Variants in GRB10 observed in about 807,000 individuals in gnomAD.
GRB10 encodes growth factor receptor-bound protein 10.
A neutral mutation model predicts 80.9 loss-of-function variants in GRB10; 20 were observed. That is an observed-to-expected ratio of 0.25 (90% confidence interval 0.17 to 0.36). GRB10 has a LOEUF of 0.36. Among genes scored for constraint, GRB10 ranks in the 10% least tolerant of loss-of-function variants. GRB10 has a pLI of 1.00. For synonymous variants in GRB10, 291 were observed against 291.5 expected (o/e 1.00, Z 0.02); for missense variants, 548 against 747.7 (o/e 0.73, Z 3.12).
intron 4 of GRB10, among the ~76,000 whole-genome samples, chr7:50,724,791 A>G (rs1010000952): frequency 3.3e-5 from 5 of 152,206 alleles, no homozygotes; most frequent in Non-Finnish European, 7.3e-5. Context: ...CGTTACTGAC[A>G]AGGCCAGAAG....
rs574788984 is a variant in GRB10 at position 50,675,346 on chromosome 7, C to T, written c.140-688G>A. 4.6e-5 allele frequency among the ~76,000 whole-genome samples: 7 copies of T among 152,242 alleles called. No homozygotes were observed. The South Asian group carries it at 1.0e-3, about 23-fold the overall frequency. On this transcript the variant is annotated intron_variant, in intron 5 of 18. Coordinates refer to ENST00000401949, the MANE Select transcript of GRB10 (RefSeq NM_001350814.2). ...AGAGAGTAAGTGAGAGAGAGAGCGGCGGAAAACGCACTGTAGAAAGGGAGG... is the reference window on the plus strand; with the variant it reads ...AGAGAGTAAGTGAGAGAGAGAGCGGTGGAAAACGCACTGTAGAAAGGGAGG...
chr7:50,739,898 G>A (rs1006463499), intron 3 of GRB10, among the ~76,000 whole-genome samples: 1 of 152,096 alleles, frequency 6.6e-6, no homozygotes, highest in African/African-American at 2.4e-5. Flanking sequence ...AGGAGAGCCA[G>A]AAACATTCCC....
intron 4 of GRB10, among the ~76,000 whole-genome samples, chr7:50,720,892 G>C (rs1459225701): frequency 6.6e-6 from 1 of 152,018 alleles, no homozygotes; most frequent in Non-Finnish European, 1.5e-5. Context: ...TTATCCAATA[G>C]CTTTTCTCTT....
In GRB10 at chr7:50,619,240, G is replaced by C; in HGVS notation, c.707C>G (p.Thr236Ser). The C allele has an allele frequency of 1.2e-6, 2 of 1,613,484 alleles. No individual in the cohort carries two copies. Among genetic ancestry groups the C allele is most frequent in the South Asian group, 2.2e-5 (2 of 91,062 alleles). ...TAGAAATTTACTCTCACTGGCCATG[G>C]TACTCTCCACCTGGACCACCAGCTC... ...DHELVVQVES[T>S]MASESKFLFR... Residue 236 changes from threonine to serine, a missense_variant, in exon 9 of 19, where the codon ACC (threonine) becomes AGC (serine). Transcript: ENST00000401949.
At chr7:50,746,685 T>A (rs1444003891) in intron 3 of GRB10, among the ~76,000 whole-genome samples, 1 of 152,200 alleles carries the variant, frequency 6.6e-6, no homozygotes, top group Non-Finnish European at 1.5e-5. Context: ...TTTTGCCTAC[T>A]GCCCTAAACC....
chr7:50,739,515 C>A (rs1366168728), intron 3 of GRB10, among the ~76,000 whole-genome samples: 1 of 152,212 alleles, frequency 6.6e-6, no homozygotes, highest in Non-Finnish European at 1.5e-5. Context: ...CTTGTCTATC[C>A]CGCATGGCAT....
intron 13 of GRB10, among the ~76,000 whole-genome samples, chr7:50,610,295 G>A (rs918904722): frequency 3.9e-5 from 6 of 152,338 alleles, no homozygotes; most frequent in African/African-American, 1.2e-4. Context: ...CTCAAATGGC[G>A]TTTCGATTGC....
chr7:50,666,908 CG>C (rs1488129841), intron 7 of GRB10, among the ~76,000 whole-genome samples: 11 of 151,912 alleles, frequency 7.2e-5, no homozygotes, highest in Non-Finnish European at 1.3e-4. Flanking sequence ...GGCGTGGTGG[CG>C]GGCGCCTGTA....
chr7:50,618,532 T>C (rs571444006), intron 9 of GRB10, among the ~76,000 whole-genome samples: 66 of 152,288 alleles, frequency 4.3e-4, no homozygotes, highest in African/African-American at 1.6e-3. Flanking sequence ...CCAAAAACAG[T>C]CTTCAAATTT....
rs188613713 is a variant in GRB10 at position 50,674,386 on chromosome 7, C to T, written c.362+50G>A. ...AACTCACAGAGAGCAGTGTCCCTGCCGACAGCTCTCATCCTTGGAGAAGGC... is the reference window on the plus strand; with the variant it reads ...AACTCACAGAGAGCAGTGTCCCTGCTGACAGCTCTCATCCTTGGAGAAGGC... On this transcript the variant is annotated intron_variant, in intron 6 of 18. Transcript: ENST00000401949. 9 of 1,546,256 alleles carry T rather than the reference C, an allele frequency of 5.8e-6. No individual in the cohort carries two copies. The African/African-American group carries it at 6.8e-5, about 12-fold the overall frequency.
chr7:50,601,097 G>A (rs2153565917), intron 17 of GRB10, among the ~76,000 whole-genome samples: 1 of 152,372 alleles, frequency 6.6e-6, no homozygotes, highest in South Asian at 2.1e-4. Flanking sequence ...GCGATCCTTG[G>A]GATGCAGAGA....
At chr7:50,648,321 G>A (rs2057524899) in intron 7 of GRB10, among the ~76,000 whole-genome samples, 1 of 152,134 alleles carries the variant, frequency 6.6e-6, no homozygotes, top group Non-Finnish European at 1.5e-5. Flanking sequence ...GAACCCCGCT[G>A]GCTTTAGCCA....
chr7:50,742,281 A>G (rs1308896565), intron 3 of GRB10, among the ~76,000 whole-genome samples: 41 of 25,356 alleles, frequency 1.6e-3, no homozygotes, highest in African/African-American at 2.6e-3. Context: ...GCACACACAC[A>G]CACACACACA....
chr7:50,781,942 C>T (rs2078328170), intron 1 of GRB10, among the ~76,000 whole-genome samples: 1 of 152,138 alleles, frequency 6.6e-6, no homozygotes, highest in Non-Finnish European at 1.5e-5. Context: ...TTTTTTATAC[C>T]GGACTATATG....
chr7:50,747,841 C>T (rs949087609), intron 3 of GRB10, among the ~76,000 whole-genome samples: 2 of 151,686 alleles, frequency 1.3e-5, no homozygotes, highest in Admixed American at 6.6e-5. Context: ...AGAAGGAGGG[C>T]GTCTCCAGAC....
chr7:50,748,050 G>T (rs956293711), intron 3 of GRB10, among the ~76,000 whole-genome samples: 6 of 152,188 alleles, frequency 3.9e-5, no homozygotes, highest in Non-Finnish European at 7.3e-5. Context: ...GTGCAGGTGG[G>T]AAATTCCAGA....
chr7:50,680,167 T>G (rs1005344146), intron 5 of GRB10, among the ~76,000 whole-genome samples: 2 of 152,232 alleles, frequency 1.3e-5, no homozygotes, highest in Admixed American at 1.3e-4. Context: ...CAATGCTTTA[T>G]TTCACGGGTT....
chr7:50,656,157 G>A (rs969388286), intron 7 of GRB10, among the ~76,000 whole-genome samples: 4 of 152,236 alleles, frequency 2.6e-5, no homozygotes, highest in Non-Finnish European at 5.9e-5. Flanking sequence ...TCCTGACTGT[G>A]TCCTGGTAGG....
chr7:50,703,820 C>A lies in GRB10; in HGVS notation c.139+1G>T. 1 of 1,611,028 alleles carries A rather than the reference C, an allele frequency of 6.2e-7. No individual in the cohort carries two copies. Among genetic ancestry groups the A allele is most frequent in the Non-Finnish European group, 8.5e-7 (1 of 1,177,530 alleles). On this transcript the variant is annotated splice_donor_variant, in intron 5 of 18. Coordinates refer to ENST00000401949, the MANE Select transcript of GRB10 (RefSeq NM_001350814.2). LOFTEE classifies it high-confidence loss of function. ...GTTCTTGTGTTTTGCTCATTCCTTA[C>A]CCTGGTGATTCGCAAGTCGGTCAGA...
Sources: gnomAD v4.1 joint callset for allele counts (sites outside exome capture counted in the v4.1 genomes callset) on GRCh38, gnomAD v4.1.1 for gene constraint, MANE v1.5 for transcripts, NCBI Gene and HGNC (gene_info 2026-07-23, HGNC 2026-07-21) for gene names.